Variants in BTN3A2 observed in about 807,000 individuals in gnomAD.
BTN3A2 encodes butyrophilin protein.
Under a neutral mutation model 37.6 loss-of-function variants are expected in BTN3A2, and 25 were observed. The ratio of observed to expected loss-of-function variants is 0.66; its 90% CI spans 0.48 to 0.93. BTN3A2 has a LOEUF of 0.93. BTN3A2 is among the 40% of genes least tolerant of loss of function. BTN3A2 has a pLI of 0.00. For synonymous variants in BTN3A2, 122 were observed against 159.4 expected, an observed-to-expected ratio of 0.77 and a Z score of 1.77; for missense variants, 266 against 410.9, an observed-to-expected ratio of 0.65 and a Z score of 3.05.
intron 4 of BTN3A2, among the ~76,000 whole-genome samples, chr6:26,370,002 G>A (rs1759938341): frequency 6.6e-6 from 1 of 152,170 alleles, no homozygotes; most frequent in Non-Finnish European, 1.5e-5. Context: ...CCCTCAGGCT[G>A]GCTGCATTGC....
In BTN3A2 at chr6:26,376,800, G is replaced by A. The variant is rs9366654; in HGVS notation, c.*1038G>A. 175,834 of 1,612,644 alleles carry A rather than the reference G, an allele frequency of 0.11. 10,776 individuals are homozygous for A. The highest frequency in any genetic ancestry group is 0.14 in the East Asian group (6,386 of 44,856). On this transcript the variant is annotated 3_prime_UTR_variant, in exon 11 of 11. Transcript: ENST00000377708. The stretch of plus-strand genomic sequence containing the variant: ...GCATATTGGGGTATGTAGTAAGAAC[G>A]TGGAGAGGAAAAAAGTTTGGGTCAA...
chr6:26,374,914 CGTGG>C, intron 10 of BTN3A2, 116 bp downstream of exon 10: 1 of 1,135,674 alleles, frequency 8.8e-7, no homozygotes, highest in Non-Finnish European at 1.3e-6. Flanking sequence ...TGACTTCCTT[CGTGG>C]GTAGGAAGAC....
intron 5 of BTN3A2, among the ~76,000 whole-genome samples, chr6:26,372,121 G>A (rs7765566): frequency 0.028 from 4,234 of 152,272 alleles, 66 homozygotes; most frequent in South Asian, 0.044. Flanking sequence ...TACTAATATG[G>A]AAAGATCTCC....
chr6:26,374,095 C>A, intron 8 of BTN3A2: 1 of 478,670 alleles, frequency 2.1e-6, no homozygotes, highest in Non-Finnish European at 3.7e-6. Context: ...TCTCACAGTG[C>A]CTGCCCTGCC....
chr6:26,368,534 C>T (rs755436402), intron 3 of BTN3A2, 31 bp from the exon 4 acceptor site: 4 of 1,613,924 alleles, frequency 2.5e-6, no homozygotes, highest in South Asian at 1.1e-5. Flanking sequence ...CTCCAAAACC[C>T]TCTGATGGAG....
chr6:26,373,184 A>G (rs1760295773), intron 6 of BTN3A2, 87 bp downstream of exon 6: 3 of 1,602,722 alleles, frequency 1.9e-6, no homozygotes, highest in Non-Finnish European at 2.5e-6. Flanking sequence ...CTGGCACTGC[A>G]TCATGTTTAA....
intron 4 of BTN3A2, 84 bp from the exon 5 acceptor site, chr6:26,370,238 A>T (rs1248149336): frequency 1.3e-6 from 2 of 1,488,076 alleles, no homozygotes; most frequent in African/African-American, 1.4e-5. Flanking sequence ...TGAATTATCA[A>T]ATCTGAGCCT....
In BTN3A2 at chr6:26,368,686, T is replaced by A. The variant is rs1219582805; in HGVS notation, c.207T>A (p.Ser69Arg). The A allele has an allele frequency of 1.9e-6, 3 of 1,614,042 alleles. No homozygotes were observed. The highest frequency in any genetic ancestry group is 2.5e-6 in the Non-Finnish European group (3 of 1,179,878). ...AGACCATGGAGCTGAAGTGGGTAAGTTCCAGCCTAAGGCAGGTGGTGAACG... is the reference window on the plus strand; with the variant it reads ...AGACCATGGAGCTGAAGTGGGTAAGATCCAGCCTAAGGCAGGTGGTGAACG... ...SAETMELKWVSSSLRQVVNVY... is the reference protein window; with the variant it reads ...SAETMELKWVRSSLRQVVNVY... Residue 69 changes from serine (S) to arginine (R), a missense_variant, in exon 4 of 11, where the codon AGT becomes AGA. By Grantham distance (110) the Ser-to-Arg change is moderately radical. Transcript: ENST00000377708.
chr6:26,368,209 C>T lies in BTN3A2; in HGVS notation c.27C>T (p.Phe9=), dbSNP rs1477000764. 2.5e-6 allele frequency: 4 copies of T among 1,614,084 alleles called. No individual in the cohort carries two copies. In the African/African-American group the frequency reaches 4.0e-5, roughly 16 times the overall value. Residue 9 remains phenylalanine (F), a synonymous_variant, in exon 3 of 11, where the codon TTC becomes TTT. Coordinates refer to ENST00000377708, the MANE Select transcript of BTN3A2 (RefSeq NM_007047.5). MKMASSLA[F]LLLNFHVSLL... ...TGAAAATGGCAAGTTCCCTGGCTTT[C>T]CTTCTGCTCAACTTTCATGTCTCCC...
In BTN3A2 at chr6:26,374,349, T is replaced by C; in HGVS notation, c.987T>C (p.Asp329=). 6.2e-7 allele frequency: 1 copy of C among 1,608,768 alleles called. No individual in the cohort carries two copies. The highest frequency in any genetic ancestry group is 8.5e-7 in the Non-Finnish European group (1 of 1,177,682). Residue 329 remains aspartate (D), a synonymous_variant, in exon 9 of 11, where the codon GAT becomes GAC. Coordinates refer to ENST00000377708, the MANE Select transcript of BTN3A2 (RefSeq NM_007047.5). Reference sequence around the variant, plus strand: ...TAGGTGGAGAGGAGTCTTCGTCCGATACCAATAAGTCAGCCTGATGCTCTG... The same window carrying C: ...TAGGTGGAGAGGAGTCTTCGTCCGACACCAATAAGTCAGCCTGATGCTCTG... ...YLTRGEESSS[D]TNKSA
At position 26,368,261 on chromosome 6, in the gene BTN3A2, T is replaced by C; in HGVS notation, c.79T>C (p.Cys27Arg). ...SLLLVQLLTP[C>R]SAQFSVLGPS... Reference sequence around the variant, plus strand: ...CCTCTTGGTCCAGCTGCTCACTCCTTGCTCAGGTAGGGAATGATTCCATGA... The same window carrying C: ...CCTCTTGGTCCAGCTGCTCACTCCTCGCTCAGGTAGGGAATGATTCCATGA... The change falls in exon 3 of 11, where the codon TGC becomes CGC. Residue 27 changes from cysteine (C) to arginine (R), a missense_variant. This residue lies in a region of BTN3A2 where 47 missense variants were observed against 77.3 expected (regional missense o/e 0.61). Coordinates refer to ENST00000377708, the MANE Select transcript of BTN3A2 (RefSeq NM_007047.5). The C allele has an allele frequency of 6.2e-7, 1 of 1,614,214 alleles. No homozygotes were observed. Among genetic ancestry groups the C allele is most frequent in the Non-Finnish European group, 8.5e-7 (1 of 1,180,028 alleles).
chr6:26,374,536 G>T, intron 9 of BTN3A2, 163 bp downstream of exon 9: 1 of 875,024 alleles, frequency 1.1e-6, no homozygotes. Context: ...TCCTGATCCT[G>T]CACACCCCCT....
chr6:26,377,597 C>T lies in BTN3A2; in HGVS notation c.*1835C>T. 1 of 212,248 alleles carries T rather than the reference C, an allele frequency of 4.7e-6. No individual in the cohort carries two copies. Among genetic ancestry groups the T allele is most frequent in the South Asian group, 7.1e-5 (1 of 14,022 alleles). 13.1% of individuals were successfully genotyped at this position (212,248 alleles called of 1,614,324 possible). ...AAGTATGGAAGCAGAGGCAGGGCAACATTAAGTAGCTTACATAACTCACAC... is the reference window on the plus strand; with the variant it reads ...AAGTATGGAAGCAGAGGCAGGGCAATATTAAGTAGCTTACATAACTCACAC... On this transcript the variant is annotated 3_prime_UTR_variant, in exon 11 of 11. Transcript: ENST00000377708.
At chr6:26,374,111 C>T (rs1317946176) in intron 8 of BTN3A2, 7 of 485,662 alleles carry the variant, frequency 1.4e-5, no homozygotes, top group African/African-American at 4.2e-5. Context: ...CTGCCACTAG[C>T]GTTCAACCGA....
intron 8 of BTN3A2, chr6:26,373,964 G>A (rs1036781915): frequency 1.1e-4 from 23 of 207,608 alleles, no homozygotes; most frequent in African/African-American, 4.2e-4. Flanking sequence ...AGCAAGGTAC[G>A]AAATGATACA....
rs908867638 is a variant in BTN3A2, at chr6:26,365,338, T to C, written c.-81T>C. 7.2e-6 allele frequency: 11 copies of C among 1,536,004 alleles called. 1 individual carries two copies. Among genetic ancestry groups the C allele is most frequent in the Admixed American group, 2.0e-5 (1 of 50,994 alleles). ...TATTCTGTGGGCTCTGATTCTCCAA[T>C]GGGAATACCAAGGGGTAAGTGCAGG... On this transcript the variant is annotated 5_prime_UTR_variant, in exon 1 of 11. It removes an upstream start codon present in the reference 5' UTR. Transcript: ENST00000377708.
intron 5 of BTN3A2, chr6:26,372,614 A>G (rs1328834655): frequency 2.5e-6 from 1 of 393,698 alleles, no homozygotes; most frequent in East Asian, 4.9e-5. Flanking sequence ...TAAATGTGTT[A>G]CCTATTGAAA....
At chr6:26,370,652 GAATGA>G in intron 5 of BTN3A2, 49 bp downstream of exon 5, 1 of 1,606,798 alleles carries the variant, frequency 6.2e-7, no homozygotes. Context: ...TGTGGCAGTT[GAATGA>G]AGGGGGATGT....
intron 4 of BTN3A2, 95 bp from the exon 5 acceptor site, chr6:26,370,227 T>C (rs1759960673): frequency 1.4e-6 from 2 of 1,448,446 alleles, no homozygotes; most frequent in South Asian, 1.3e-5. Flanking sequence ...GAAATATCTC[T>C]TGAATTATCA....
Sources: gnomAD v4.1 joint callset for allele counts (sites outside exome capture counted in the v4.1 genomes callset) on GRCh38, gnomAD v4.1.1 for gene constraint, gnomAD v4.1.1 regional missense constraint, MANE v1.5 for transcripts, NCBI Gene and HGNC (gene_info 2026-07-23, HGNC 2026-07-21) for gene names.